NLN: variants seen among roughly 807,000 people sequenced by gnomAD.
NLN encodes neurolysin, mitochondrial.
Under a neutral mutation model 79.9 loss-of-function variants are expected in NLN, and 64 were observed. The ratio of observed to expected loss-of-function variants is 0.80; its 90% CI spans 0.65 to 0.99. NLN has a LOEUF of 0.99. Among genes scored for constraint, NLN ranks in the 50% least tolerant of loss-of-function variants. The pLI, the probability that NLN is intolerant of heterozygous loss-of-function variation, is 0.00. For synonymous variants in NLN, 267 were observed against 296.6 expected (o/e 0.90, Z 1.02); for missense variants, 835 against 858.7 (o/e 0.97, Z 0.34).
chr5:65,738,996 A>ATT (rs141122396), intron 1 of NLN, among the ~76,000 whole-genome samples: 6 of 140,016 alleles, frequency 4.3e-5, no homozygotes, highest in South Asian at 2.1e-4. Context: ...ATTTATATAT[A>ATT]TTTTATAATA....
chr5:65,751,896 C>T (rs1343380696), intron 1 of NLN, among the ~76,000 whole-genome samples: 1 of 152,108 alleles, frequency 6.6e-6, no homozygotes, highest in Non-Finnish European at 1.5e-5. Context: ...AGCAAATGCA[C>T]CTTCCTGTCA....
chr5:65,760,608 G>A (rs948224407), intron 2 of NLN, among the ~76,000 whole-genome samples: 1 of 152,220 alleles, frequency 6.6e-6, no homozygotes, highest in African/African-American at 2.4e-5. Context: ...GAACTCTTGG[G>A]TTCAAGAGAT....
intron 11 of NLN, among the ~76,000 whole-genome samples, chr5:65,811,821 CA>C (rs1015228163): frequency 4.0e-5 from 6 of 151,550 alleles, no homozygotes; most frequent in Non-Finnish European, 5.9e-5. Flanking sequence ...AACTCTGTCT[CA>C]AAAAAAAGTT....
Position 65,785,816 on chromosome 5 carries a change from C to T in NLN, c.864C>T (p.Thr288=), listed in dbSNP as rs754448208. 39 of 1,613,638 alleles carry T rather than the reference C, an allele frequency of 2.4e-5. No individual in the cohort carries two copies. The highest frequency in any genetic ancestry group is 3.2e-5 in the Non-Finnish European group (38 of 1,179,728). ...IILQQLLPLR[T]KVAKLLGYST... ...TGCAGCAGCTACTCCCACTGCGAAC[C>T]AAGGTGGCCAAACTACTCGGTTATA... The change falls in exon 7 of 13, where the codon ACC becomes ACT. Residue 288 remains threonine (T), a synonymous_variant. Coordinates refer to ENST00000380985, the MANE Select transcript of NLN (RefSeq NM_020726.5).
chr5:65,775,622 G>A (rs1260775838), intron 3 of NLN, among the ~76,000 whole-genome samples: 4 of 152,160 alleles, frequency 2.6e-5, no homozygotes, highest in East Asian at 1.9e-4. Flanking sequence ...ACTTCCTGGC[G>A]CTACTAAAGG....
At chr5:65,727,235 A>G (rs897434862) in intron 1 of NLN, among the ~76,000 whole-genome samples, 1 of 152,190 alleles carries the variant, frequency 6.6e-6, no homozygotes, top group African/African-American at 2.4e-5. Context: ...GGGCATGATC[A>G]TGGCTCACTG....
intron 12 of NLN, among the ~76,000 whole-genome samples, chr5:65,817,738 A>G (rs935882150): frequency 1.3e-5 from 2 of 152,226 alleles, no homozygotes; most frequent in Non-Finnish European, 2.9e-5. Context: ...TAATGCCATA[A>G]GGAAGGAGCT....
chr5:65,791,101 CTT>C (rs1232636834), intron 8 of NLN, among the ~76,000 whole-genome samples: 1 of 152,166 alleles, frequency 6.6e-6, no homozygotes, highest in Admixed American at 6.5e-5. Context: ...GTCTAACTGA[CTT>C]TTAAAAAGGG....
intron 1 of NLN, among the ~76,000 whole-genome samples, chr5:65,742,134 G>A (rs1758881058): frequency 6.6e-6 from 1 of 151,950 alleles, no homozygotes; most frequent in African/African-American, 2.4e-5. Context: ...ATTTTGAAGA[G>A]TTCCTTTTCA....
At chr5:65,729,935 G>A (rs1375176483) in intron 1 of NLN, among the ~76,000 whole-genome samples, 2 of 152,198 alleles carry the variant, frequency 1.3e-5, no homozygotes. Context: ...GAAACAGCTC[G>A]CCTGAGTTTG....
At chr5:65,804,793 A>T (rs1163389165) in intron 9 of NLN, among the ~76,000 whole-genome samples, 1 of 152,110 alleles carries the variant, frequency 6.6e-6, no homozygotes, top group Non-Finnish European at 1.5e-5. Flanking sequence ...GGCCTTCTGA[A>T]GTTCTGGGAT....
chr5:65,781,074 G>A (rs1759790457), intron 5 of NLN, among the ~76,000 whole-genome samples, 187 bp from the exon 6 acceptor site: 1 of 152,022 alleles, frequency 6.6e-6, no homozygotes, highest in Admixed American at 6.6e-5. Flanking sequence ...GTCTCCCAAG[G>A]CACCTGGCCT....
In NLN at chr5:65,780,252, C is replaced by A; in HGVS notation, c.632C>A (p.Thr211Asn). The A allele has an allele frequency of 1.4e-6, 2 of 1,456,476 alleles. No individual in the cohort carries two copies. The highest frequency in any genetic ancestry group is 1.9e-6 in the Non-Finnish European group (2 of 1,051,572). The allele number at this position is 1,456,476 out of a possible 1,614,324, so 90.2% of individuals were successfully genotyped here. The change falls in exon 5 of 13, where the codon ACC (threonine) becomes AAC (asparagine). Residue 211 changes from threonine (T) to asparagine (N), a missense_variant. Transcript: ENST00000380985. ...AACAAAAACCTCAATGAGGATGATA[C>A]CTTCCTTGTATTTTCCAAGGCTGAA... The part of the protein sequence containing the change: ...DFNKNLNEDD[T>N]FLVFSKAELG...
chr5:65,805,175 C>A (rs575686098), intron 9 of NLN, among the ~76,000 whole-genome samples: 2 of 152,296 alleles, frequency 1.3e-5, no homozygotes, highest in South Asian at 2.1e-4. Context: ...CCATTTCTCA[C>A]CCCCTCTTTT....
chr5:65,813,706 C>T (rs1481171510), intron 12 of NLN, among the ~76,000 whole-genome samples: 5 of 152,062 alleles, frequency 3.3e-5, no homozygotes, highest in African/African-American at 4.8e-5. Context: ...GTGGGAGGAT[C>T]GCTCAAGTCC....
intron 1 of NLN, among the ~76,000 whole-genome samples, chr5:65,736,543 T>G (rs1758731961): frequency 6.6e-6 from 1 of 152,242 alleles, no homozygotes; most frequent in South Asian, 2.1e-4. Flanking sequence ...ATAGTATTCA[T>G]GAGTAGCCAT....
chr5:65,819,032 G>A (rs770529857), intron 12 of NLN: 5 of 152,144 alleles, frequency 3.3e-5, no homozygotes, highest in Admixed American at 2.0e-4. Context: ...GCATATTATT[G>A]AGCAAAATGA....
intron 12 of NLN, among the ~76,000 whole-genome samples, chr5:65,821,567 A>G (rs550930529): frequency 8.5e-5 from 13 of 152,338 alleles, no homozygotes; most frequent in Middle Eastern, 3.4e-3. Context: ...TTAACTTTAA[A>G]AAAATGTGGT....
intron 8 of NLN, among the ~76,000 whole-genome samples, chr5:65,790,633 G>A (rs553094217): frequency 1.3e-5 from 2 of 152,282 alleles, no homozygotes; most frequent in Middle Eastern, 6.8e-3. Flanking sequence ...ACGACACGTG[G>A]GGATTATGAG....
Sources: gnomAD v4.1 joint callset for allele counts (sites outside exome capture counted in the v4.1 genomes callset) on GRCh38, gnomAD v4.1.1 for gene constraint, MANE v1.5 for transcripts, NCBI Gene and HGNC (gene_info 2026-07-23, HGNC 2026-07-21) for gene names.